Variants in LRRC28 observed in about 807,000 individuals in gnomAD.
LRRC28 encodes the protein leucine rich repeat containing 28.
A neutral mutation model predicts 45.7 loss-of-function variants in LRRC28; 39 were observed. The observed-to-expected ratio is 0.85, with a 90% CI of 0.66 to 1.12. The LOEUF (loss-of-function observed/expected upper bound fraction) is 1.12. Among genes scored for constraint, LRRC28 ranks in the 50% most tolerant of loss-of-function variants. The pLI, the probability that LRRC28 is intolerant of heterozygous loss-of-function variation, is 0.00. For synonymous variants in LRRC28, 206 were observed against 178.8 expected, an observed-to-expected ratio of 1.15 and a Z score of -1.22; for missense variants, 435 against 438.5, an observed-to-expected ratio of 0.99 and a Z score of 0.07.
rs1385818221 is a variant in LRRC28 at position 99,289,930 on chromosome 15, A to G, written c.385+1979A>G. On this transcript the variant is annotated intron_variant, in intron 5 of 9. Transcript: ENST00000301981. ...AGTCCGGCCTGGGCGACAGAGCAAGACTCCGTCTCAAAAAAAAAAAAAAAA... is the reference window on the plus strand; with the variant it reads ...AGTCCGGCCTGGGCGACAGAGCAAGGCTCCGTCTCAAAAAAAAAAAAAAAA... Among the ~76,000 whole-genome samples, 23 of 85,056 alleles carry G rather than the reference A, an allele frequency of 2.7e-4. No homozygotes were observed. The Admixed American group carries it at 3.7e-3, about 14-fold the overall frequency. The allele number at this position is 85,056 out of a possible 152,430, so 55.8% of individuals were successfully genotyped here.
At chr15:99,258,950 G>T in intron 2 of LRRC28, 1 of 737,486 alleles carries the variant, frequency 1.4e-6, no homozygotes, top group South Asian at 1.4e-5. Flanking sequence ...GTCTTTGAAT[G>T]TTTCCTGTGA....
chr15:99,262,767 C>T (rs2152131653), intron 2 of LRRC28, among the ~76,000 whole-genome samples: 1 of 151,836 alleles, frequency 6.6e-6, no homozygotes, highest in African/African-American at 2.4e-5. Flanking sequence ...CCTCAGCTTC[C>T]TGAGCAGCTG....
At chr15:99,255,235 A>G (rs1250830295) in intron 1 of LRRC28, among the ~76,000 whole-genome samples, 3 of 151,508 alleles carry the variant, frequency 2.0e-5, no homozygotes, top group South Asian at 2.1e-4. Context: ...GGTGCTCTCT[A>G]TAGTACCAGC....
chr15:99,304,823 G>A (rs1371094859), intron 5 of LRRC28, among the ~76,000 whole-genome samples: 1 of 152,100 alleles, frequency 6.6e-6, no homozygotes, highest in East Asian at 1.9e-4. Flanking sequence ...TTATTAAAGT[G>A]ATCTATGGGG....
chr15:99,255,591 A>G (rs989654339), intron 1 of LRRC28, among the ~76,000 whole-genome samples: 2 of 152,088 alleles, frequency 1.3e-5, no homozygotes, highest in Non-Finnish European at 2.9e-5. Context: ...GTTGTATGTT[A>G]TGAAACTGGT....
At chr15:99,352,055 A>G (rs1320490724) in intron 6 of LRRC28, among the ~76,000 whole-genome samples, 2 of 152,214 alleles carry the variant, frequency 1.3e-5, no homozygotes, top group African/African-American at 4.8e-5. Context: ...CCAATCAGAT[A>G]TCCCAAGTGA....
chr15:99,364,955 C>G (rs973117516), intron 9 of LRRC28, among the ~76,000 whole-genome samples: 1 of 152,128 alleles, frequency 6.6e-6, no homozygotes, highest in Non-Finnish European at 1.5e-5. Context: ...AACTACAGTT[C>G]AAACCCTTAT....
At chr15:99,262,841 G>A (rs761673804) in intron 2 of LRRC28, among the ~76,000 whole-genome samples, 2 of 151,476 alleles carry the variant, frequency 1.3e-5, no homozygotes, top group African/African-American at 2.4e-5. Flanking sequence ...ATAGAGATGG[G>A]GTCTTGCTGT....
intron 2 of LRRC28, among the ~76,000 whole-genome samples, chr15:99,273,340 C>T (rs2081531280): frequency 6.6e-6 from 1 of 152,036 alleles, no homozygotes; most frequent in Non-Finnish European, 1.5e-5. Flanking sequence ...GGGTTCAGGC[C>T]ATTTTCCTGC....
chr15:99,275,916 G>A (rs868731558), intron 2 of LRRC28, among the ~76,000 whole-genome samples: 3 of 152,190 alleles, frequency 2.0e-5, no homozygotes, highest in Non-Finnish European at 2.9e-5. Context: ...AGCAGGAGGT[G>A]AGTGGCAGGC....
At chr15:99,333,756 C>A in intron 5 of LRRC28, 167 bp from the exon 6 acceptor site, 1 of 694,076 alleles carries the variant, frequency 1.4e-6, no homozygotes, top group Non-Finnish European at 2.4e-6. Context: ...ACTCACCTAG[C>A]TTGGATTATT....
Position 99,386,015 on chromosome 15 carries a change from T to C in LRRC28, c.1032-15T>C, listed in dbSNP as rs765902828. Reference sequence around the variant, plus strand: ...TGAACTCACAGCGTTCTTCTCTCCCTTTTTCCCCTTCCAGGAAGACAACTG... The same window carrying C: ...TGAACTCACAGCGTTCTTCTCTCCCCTTTTCCCCTTCCAGGAAGACAACTG... On this transcript the variant is annotated splice_polypyrimidine_tract_variant and intron_variant, in intron 9 of 9. Transcript: ENST00000301981. 10 of 1,602,168 alleles carry C rather than the reference T, an allele frequency of 6.2e-6. No homozygotes were observed. Among genetic ancestry groups the C allele is most frequent in the Non-Finnish European group, 1.7e-6 (2 of 1,170,098 alleles).
In LRRC28 at chr15:99,284,125, G is replaced by A. The variant is rs574562087; in HGVS notation, c.210-3132G>A. ...TGCAGGTAGTGTGGCTTCAGAGCCC[G>A]CTCTCTGATCCACTTTACCAGTAAT... is the stretch of plus-strand genomic sequence containing the variant. On this transcript the variant is annotated intron_variant, in intron 3 of 9. Coordinates refer to ENST00000301981, the MANE Select transcript of LRRC28 (RefSeq NM_144598.5). Among the ~76,000 whole-genome samples the A allele has an allele frequency of 5.9e-5, 9 of 152,232 alleles. No homozygotes were observed. The East Asian group carries it at 9.7e-4, about 16-fold the overall frequency.
In LRRC28 at chr15:99,386,076, C is replaced by A. The variant is rs769568976; in HGVS notation, c.1078C>A (p.Leu360Met). 1.2e-6 allele frequency: 2 copies of A among 1,614,204 alleles called. No homozygotes were observed. The highest frequency in any genetic ancestry group is 1.7e-5 in the Admixed American group (1 of 60,020). ...GGCTTACTGCTGCTCCACCCAGTGT[C>A]TGCAGACTTTTGACCTGCTGAGTTG... is the stretch of plus-strand genomic sequence containing the variant. Reference protein sequence around the residue: ...FVAYCCSTQCLQTFDLLS With the variant: ...FVAYCCSTQCMQTFDLLS Residue 360 changes from leucine (L) to methionine (M), a missense_variant, in exon 10 of 10, where the codon CTG becomes ATG. Coordinates refer to ENST00000301981, the MANE Select transcript of LRRC28 (RefSeq NM_144598.5).
Position 99,389,103 on chromosome 15 carries a change from T to C in LRRC28, c.*3001T>C, listed in dbSNP as rs946242066. ...GCTTGGGTGGAGGATCCACTCTGGC[T>C]AACGGATAAGAGTGATGAACTTCTT... On this transcript the variant is annotated 3_prime_UTR_variant, in exon 10 of 10. Transcript: ENST00000301981. 9 of 152,242 alleles carry C rather than the reference T, an allele frequency of 5.9e-5. No homozygotes were observed. Among genetic ancestry groups the C allele is most frequent in the Non-Finnish European group, 8.8e-5 (6 of 68,044 alleles). The allele number at this position is 152,242 out of a possible 1,614,324, so 9.4% of individuals were successfully genotyped here.
chr15:99,309,518 C>T (rs1955320711), intron 5 of LRRC28, among the ~76,000 whole-genome samples: 1 of 152,140 alleles, frequency 6.6e-6, no homozygotes, highest in Non-Finnish European at 1.5e-5. Context: ...AAGCAATTCT[C>T]CTGCCTCAGC....
intron 5 of LRRC28, among the ~76,000 whole-genome samples, chr15:99,300,296 T>C (rs2048303): frequency 0.096 from 14,651 of 152,078 alleles, 1,007 homozygotes; most frequent in East Asian, 0.33. Context: ...AAGATATATA[T>C]GGATGTTTAT....
chr15:99,324,628 G>A (rs1597348009), intron 5 of LRRC28, among the ~76,000 whole-genome samples: 1 of 152,074 alleles, frequency 6.6e-6, no homozygotes. Flanking sequence ...ACACCATAAT[G>A]TTATTTTTGT....
chr15:99,284,639 C>T, intron 3 of LRRC28: 1 of 516,468 alleles, frequency 1.9e-6, no homozygotes, highest in Non-Finnish European at 3.8e-6. Context: ...TCTGACACTG[C>T]CATAGCTGCT....
Sources: gnomAD v4.1 joint callset for allele counts (sites outside exome capture counted in the v4.1 genomes callset) on GRCh38, gnomAD v4.1.1 for gene constraint, MANE v1.5 for transcripts, NCBI Gene and HGNC (gene_info 2026-07-23, HGNC 2026-07-21) for gene names.